The following ARMC2 variants were observed in gnomAD, a reference collection of about 807,000 sequenced individuals.
ARMC2 encodes armadillo repeat-containing protein 2.
In ARMC2, 67 loss-of-function variants were observed where a neutral mutation model predicts 90.3. That is an observed-to-expected ratio of 0.74 (90% CI 0.61 to 0.91). The LOEUF is 0.91. Among genes scored for constraint, ARMC2 ranks in the 40% least tolerant of loss-of-function variants. ARMC2 has a pLI of 0.00. For missense variants in ARMC2, 920 were observed against 1,030.9 expected, an observed-to-expected ratio of 0.89 and a Z score of 1.47; for synonymous variants, 393 against 393.0, an observed-to-expected ratio of 1.00 and a Z score of 0.00.
intron 12 of ARMC2, among the ~76,000 whole-genome samples, chr6:108,944,844 A>G (rs1339003089): frequency 6.6e-6 from 1 of 152,042 alleles, no homozygotes; most frequent in African/African-American, 2.4e-5. Flanking sequence ...TCTCAATGAA[A>G]AGGCATCTAC....
At chr6:108,911,320 T>C (rs1773400815) in intron 9 of ARMC2, among the ~76,000 whole-genome samples, 1 of 152,162 alleles carries the variant, frequency 6.6e-6, no homozygotes, top group South Asian at 2.1e-4. Flanking sequence ...TTTGACATAG[T>C]TGAAAATTTT....
intron 4 of ARMC2, among the ~76,000 whole-genome samples, chr6:108,872,910 G>A (rs537519965): frequency 1.3e-5 from 2 of 152,284 alleles, no homozygotes; most frequent in Admixed American, 6.5e-5. Context: ...TCATCTTCTT[G>A]GAGAGTCTCT....
At chr6:108,992,346 G>A in the ARMC2 span, among the ~76,000 whole-genome samples, 2 of 151,914 alleles carry the variant, frequency 1.3e-5, no homozygotes, top group African/African-American at 4.8e-5. Context: ...GGAATGCCTC[G>A]GCTCAGGCAA....
intron 10 of ARMC2, among the ~76,000 whole-genome samples, chr6:108,926,451 G>T (rs772776694): frequency 2.0e-5 from 3 of 152,198 alleles, no homozygotes; most frequent in African/African-American, 4.8e-5. Context: ...CTGGCTGGGC[G>T]CAGTGGCTCA....
chr6:108,894,212 T>A (rs906736833), intron 5 of ARMC2, among the ~76,000 whole-genome samples: 1 of 151,622 alleles, frequency 6.6e-6, no homozygotes, highest in South Asian at 2.1e-4. Context: ...AAATATTTTT[T>A]AAAAATAACC....
intron 5 of ARMC2, among the ~76,000 whole-genome samples, chr6:108,888,424 C>A (rs1770591684): frequency 1.3e-5 from 2 of 152,110 alleles, no homozygotes; most frequent in Admixed American, 1.3e-4. Flanking sequence ...GTGGTCGGAC[C>A]ATGGGATTTA....
chr6:108,948,738 C>G (rs1256972231), intron 12 of ARMC2, among the ~76,000 whole-genome samples: 2 of 151,658 alleles, frequency 1.3e-5, no homozygotes, highest in African/African-American at 2.4e-5. Flanking sequence ...ACAGAGATGA[C>G]AGAATCGAAG....
the ARMC2 span, among the ~76,000 whole-genome samples, chr6:108,995,122 GA>G: frequency 6.6e-5 from 10 of 151,916 alleles, no homozygotes; most frequent in African/African-American, 2.2e-4. Flanking sequence ...AAAATATAAG[GA>G]AAAAAATGAT....
chr6:108,993,233 T>A, the ARMC2 span, among the ~76,000 whole-genome samples: 1 of 152,202 alleles, frequency 6.6e-6, no homozygotes. Context: ...ATTTTTAAGA[T>A]AACTACAAAA....
chr6:109,050,384 T>C, the ARMC2 span, among the ~76,000 whole-genome samples: 1 of 140,170 alleles, frequency 7.1e-6, no homozygotes, highest in Non-Finnish European at 1.5e-5. Context: ...ATTGTTTAAA[T>C]TGTTAAAAAA....
At chr6:108,867,582 CAG>C (rs1408260167) in intron 3 of ARMC2, among the ~76,000 whole-genome samples, 1 of 151,946 alleles carries the variant, frequency 6.6e-6, no homozygotes, top group Non-Finnish European at 1.5e-5. Context: ...GTCTGACTAA[CAG>C]GGTGAAACCC....
the ARMC2 span, among the ~76,000 whole-genome samples, chr6:109,011,460 T>C: frequency 6.6e-6 from 1 of 152,148 alleles, no homozygotes; most frequent in South Asian, 2.1e-4. Flanking sequence ...AAGATTCCTT[T>C]ATGGTCTCTA....
chr6:109,044,166 T>C, the ARMC2 span, among the ~76,000 whole-genome samples: 1 of 150,614 alleles, frequency 6.6e-6, no homozygotes, highest in African/African-American at 2.4e-5. Flanking sequence ...AAAAAAAAAA[T>C]TATCCAGGCA....
At chr6:108,945,884 C>T (rs557218740) in intron 12 of ARMC2, among the ~76,000 whole-genome samples, 38 of 152,350 alleles carry the variant, frequency 2.5e-4, no homozygotes, top group Middle Eastern at 6.8e-3. Context: ...GAAGGTGCCC[C>T]CACCCCTTCC....
chr6:108,998,158 A>C, the ARMC2 span, among the ~76,000 whole-genome samples: 1 of 152,328 alleles, frequency 6.6e-6, no homozygotes, highest in East Asian at 1.9e-4. Context: ...AAAAGTCTCC[A>C]CCACCAGGCC....
At chr6:108,954,483 C>T (rs1777420635) in intron 13 of ARMC2, among the ~76,000 whole-genome samples, 1 of 152,110 alleles carries the variant, frequency 6.6e-6, no homozygotes, top group Non-Finnish European at 1.5e-5. Flanking sequence ...ATTAGCCAGG[C>T]ATGGTAGCAT....
intron 10 of ARMC2, among the ~76,000 whole-genome samples, chr6:108,918,251 T>C (rs1241486514): frequency 6.6e-6 from 1 of 151,978 alleles, no homozygotes; most frequent in Non-Finnish European, 1.5e-5. Context: ...TGAAGGGCAA[T>C]GTACAAGAGT....
chr6:108,983,688 C>G, the ARMC2 span, among the ~76,000 whole-genome samples: 1 of 152,146 alleles, frequency 6.6e-6, no homozygotes, highest in African/African-American at 2.4e-5. Flanking sequence ...AGACCTCCAA[C>G]TTTGTTCTTT....
chr6:108,917,657 TA>T (rs765258468), intron 10 of ARMC2, among the ~76,000 whole-genome samples: 1 of 152,160 alleles, frequency 6.6e-6, no homozygotes, highest in Admixed American at 6.5e-5. Context: ...TTTTAATATA[TA>T]TTTTTTTGAG....
Sources: gnomAD v4.1 joint callset for allele counts (sites outside exome capture counted in the v4.1 genomes callset) on GRCh38, gnomAD v4.1.1 for gene constraint, MANE v1.5 for transcripts, NCBI Gene and HGNC (gene_info 2026-07-23, HGNC 2026-07-21) for gene names.